Variants in ZBTB43 observed in about 807,000 individuals in gnomAD.
ZBTB43 encodes zinc finger and BTB domain containing 43.
A neutral mutation model predicts 31.1 loss-of-function variants in ZBTB43; 6 were observed. The observed-to-expected ratio is 0.19, with a 90% confidence interval of 0.11 to 0.38. ZBTB43 has a LOEUF of 0.38. ZBTB43 is among the 10% of genes least tolerant of loss of function. ZBTB43 has a pLI of 1.00. For missense variants in ZBTB43, 379 were observed against 602.1 expected (o/e 0.63, Z 3.88); for synonymous variants, 212 against 221.7 (o/e 0.96, Z 0.39).
chr9:126,822,177 T>C (rs2032527722), intron 2 of ZBTB43, among the ~76,000 whole-genome samples: 1 of 151,684 alleles, frequency 6.6e-6, no homozygotes, highest in South Asian at 2.1e-4. Context: ...TTTTTTTTTT[T>C]TTTTTAAAGC....
chr9:126,832,502 G>T lies in ZBTB43; in HGVS notation c.-8G>T, dbSNP rs754592887. ...TCTCTTGTAGCACCGAACAAGATTT[G>T]TGATGAAATGGAGCCTGGAACAAAC... is the stretch of plus-strand genomic sequence containing the variant. On this transcript the variant is annotated 5_prime_UTR_variant, in exon 3 of 3. Transcript: ENST00000373464. 6.3e-7 allele frequency: 1 copy of T among 1,596,520 alleles called. No homozygotes were observed. Among genetic ancestry groups the T allele is most frequent in the Admixed American group, 1.7e-5 (1 of 58,186 alleles).
At chr9:126,822,057 A>G (rs920889611) in intron 2 of ZBTB43, among the ~76,000 whole-genome samples, 1 of 151,536 alleles carries the variant, frequency 6.6e-6, no homozygotes, top group Admixed American at 6.6e-5. Flanking sequence ...GGGTTTCACC[A>G]TGTTGGCCAG....
At chr9:126,832,159 A>C in intron 2 of ZBTB43, 2 of 205,496 alleles carry the variant, frequency 9.7e-6, no homozygotes, top group Non-Finnish European at 2.0e-5. Flanking sequence ...TTGAATGGGT[A>C]TCTTGTTTGT....
intron 2 of ZBTB43, among the ~76,000 whole-genome samples, chr9:126,827,641 C>T (rs1240078167): frequency 2.0e-5 from 3 of 152,202 alleles, no homozygotes; most frequent in Non-Finnish European, 4.4e-5. Flanking sequence ...TCTGACTCCA[C>T]CATTTTCCAT....
Position 126,835,823 on chromosome 9 carries a change from T to C in ZBTB43, c.*1910T>C, listed in dbSNP as rs1390735676. ...GTATTGAAACGTTACTGGTTAGCAG[T>C]CTTTTCTCTGTGTACCTGACACACG... is the stretch of plus-strand genomic sequence containing the variant. On this transcript the variant is annotated 3_prime_UTR_variant, in exon 3 of 3. Transcript: ENST00000373464. The C allele has an allele frequency of 6.0e-6, 1 of 166,940 alleles. No homozygotes were observed. The highest frequency in any genetic ancestry group is 1.5e-5 in the Non-Finnish European group (1 of 68,118). 10.3% of individuals were successfully genotyped at this position (166,940 alleles called of 1,614,324 possible).
intron 2 of ZBTB43, among the ~76,000 whole-genome samples, chr9:126,809,512 G>A (rs1053880016): frequency 6.6e-6 from 1 of 152,158 alleles, no homozygotes; most frequent in African/African-American, 2.4e-5. Flanking sequence ...ATAAGTAGCT[G>A]GTGGGTCTGC....
rs143638607 is a variant in ZBTB43, at chr9:126,834,143, C to T, written c.*230C>T. On this transcript the variant is annotated 3_prime_UTR_variant, in exon 3 of 3. Coordinates refer to ENST00000373464, the MANE Select transcript of ZBTB43 (RefSeq NM_014007.4). ...TGGGTAATGGGGTGAGTTAACCCAC[C>T]GCCCAGCTGGCAAGGGAAACCTTCT... The T allele has an allele frequency of 4.9e-4, 205 of 420,548 alleles. 1 individual carries two copies. In the East Asian group the frequency reaches 6.3e-3, roughly 13 times the overall value. 26.1% of individuals were successfully genotyped at this position (420,548 alleles called of 1,614,324 possible). A position where few individuals can be genotyped will look rare whatever the true frequency, so the allele number is the denominator to read the frequency against.
At chr9:126,824,401 T>G (rs1684128023) in intron 2 of ZBTB43, among the ~76,000 whole-genome samples, 1 of 152,226 alleles carries the variant, frequency 6.6e-6, no homozygotes, top group South Asian at 2.1e-4. Flanking sequence ...TTTCATTGTC[T>G]AGGGTTCTTT....
In ZBTB43 at chr9:126,836,582, G is replaced by A. The variant is rs1009235283; in HGVS notation, c.*2669G>A. 6.6e-5 allele frequency: 11 copies of A among 167,030 alleles called. 1 individual carries two copies. Among genetic ancestry groups the A allele is most frequent in the South Asian group, 4.1e-4 (2 of 4,822 alleles). The allele number at this position is 167,030 out of a possible 1,614,324, so 10.3% of individuals were successfully genotyped here. A position where few individuals can be genotyped will look rare whatever the true frequency, so the allele number is the denominator to read the frequency against. ...GTTTTTACCTTTTTTTCATCCCCAC[G>A]TTGAGTTGGAGGAATAGTCTCTTCT... On this transcript the variant is annotated 3_prime_UTR_variant, in exon 3 of 3. Coordinates refer to ENST00000373464, the MANE Select transcript of ZBTB43 (RefSeq NM_014007.4).
intron 2 of ZBTB43, among the ~76,000 whole-genome samples, chr9:126,819,550 G>A (rs2119135929): frequency 6.6e-6 from 1 of 152,160 alleles, no homozygotes; most frequent in Admixed American, 6.5e-5. Context: ...ATAAATGTGT[G>A]TTCTGACTAC....
In ZBTB43 at chr9:126,811,814, C is replaced by T. The variant is rs140387815; in HGVS notation, c.-24+2899C>T. ...CTAATTTTTGTGTTTTTAGTAGAGA[C>T]GGGGTTTCACCATATTAGTCAGGCT... On this transcript the variant is annotated intron_variant, in intron 2 of 2. Coordinates refer to ENST00000373464, the MANE Select transcript of ZBTB43 (RefSeq NM_014007.4). 3.8e-3 allele frequency among the ~76,000 whole-genome samples: 572 copies of T among 152,156 alleles called. 7 individuals carry two copies. The highest frequency in any genetic ancestry group is 0.013 in the African/African-American group (529 of 41,508).
intron 2 of ZBTB43, among the ~76,000 whole-genome samples, chr9:126,828,443 A>G (rs1381247599): frequency 1.3e-5 from 2 of 148,218 alleles, no homozygotes. Flanking sequence ...TCGGCCTCCC[A>G]AAGTGCTGTG....
intron 2 of ZBTB43, among the ~76,000 whole-genome samples, chr9:126,826,964 T>G (rs866905915): frequency 3.3e-5 from 5 of 152,240 alleles, no homozygotes; most frequent in African/African-American, 1.2e-4. Context: ...TATTCCTTTT[T>G]CTTTGTGTGC....
chr9:126,822,345 A>G (rs1212145018), intron 2 of ZBTB43, among the ~76,000 whole-genome samples: 4 of 152,208 alleles, frequency 2.6e-5, no homozygotes, highest in Non-Finnish European at 5.9e-5. Context: ...ATGTTGTGAA[A>G]GAAGTTCTGT....
In ZBTB43 at chr9:126,837,988, G is replaced by A. The variant is rs557536372; in HGVS notation, c.*4075G>A. 3.2e-4 allele frequency: 54 copies of A among 167,100 alleles called. No homozygotes were observed. In the Middle Eastern group the frequency reaches 0.044, roughly 136 times the overall value. 10.4% of individuals were successfully genotyped at this position (167,100 alleles called of 1,614,324 possible). On this transcript the variant is annotated 3_prime_UTR_variant, in exon 3 of 3. Coordinates refer to ENST00000373464, the MANE Select transcript of ZBTB43 (RefSeq NM_014007.4). ...CTCTTAGGCCACAAAACCATTTGAT[G>A]ATAAACAGATTATCATTAGGTGCAT...
intron 2 of ZBTB43, among the ~76,000 whole-genome samples, chr9:126,829,167 CATT>C (rs1399765345): frequency 3.3e-5 from 5 of 152,046 alleles, no homozygotes; most frequent in African/African-American, 1.2e-4. Flanking sequence ...TTTTTAAAAA[CATT>C]AGCCAGGCAT....
chr9:126,833,962 A>G lies in ZBTB43; in HGVS notation c.*49A>G. ...GCATGCACAAAAATAAACTATGGTA[A>G]TTAATGCAAATCTGGGCACAGATGA... On this transcript the variant is annotated 3_prime_UTR_variant, in exon 3 of 3. Coordinates refer to ENST00000373464, the MANE Select transcript of ZBTB43 (RefSeq NM_014007.4). This position sits in a 1 kb window ranked among gnomAD's most constrained non-coding sequence, Gnocchi z 7.9. The G allele has an allele frequency of 6.6e-7, 1 of 1,506,446 alleles. No individual in the cohort carries two copies. The highest frequency in any genetic ancestry group is 8.9e-7 in the Non-Finnish European group (1 of 1,120,276). The allele number at this position is 1,506,446 out of a possible 1,614,324, so 93.3% of individuals were successfully genotyped here. A position where few individuals can be genotyped will look rare whatever the true frequency, so the allele number is the denominator to read the frequency against.
chr9:126,832,704 A>G lies in ZBTB43; in HGVS notation c.195A>G (p.Lys65=). Residue 65 remains lysine, a synonymous_variant, in exon 3 of 3, where the codon AAA becomes AAG. Transcript: ENST00000373464. ...SPYFCDQVLL[K]NSRRIVLPDV... ...ACTTTTGTGACCAGGTACTCCTGAA[A>G]AACAGCAGGAGAATTGTTTTGCCTG... The G allele has an allele frequency of 1.2e-6, 2 of 1,614,130 alleles. No homozygotes were observed. Among genetic ancestry groups the G allele is most frequent in the Non-Finnish European group, 1.7e-6 (2 of 1,180,034 alleles).
At chr9:126,830,472 CTG>C (rs2032741785) in intron 2 of ZBTB43, among the ~76,000 whole-genome samples, 1 of 152,218 alleles carries the variant, frequency 6.6e-6, no homozygotes, top group African/African-American at 2.4e-5. Context: ...TGGCGAAACC[CTG>C]TCTCTGCAAA....
Sources: allele counts gnomAD v4.1 joint callset (sites outside exome capture counted in the v4.1 genomes callset), GRCh38; gene constraint gnomAD v4.1.1; non-coding constraint Gnocchi (gnomAD v3.1); transcripts MANE v1.5; gene names NCBI Gene and HGNC (gene_info 2026-07-23, HGNC 2026-07-21).